LMX1A: variants seen among roughly 807,000 people sequenced by gnomAD.
The protein encoded by LMX1A is LIM homeobox transcription factor 1-alpha.
Under a neutral mutation model 49.1 loss-of-function variants are expected in LMX1A, and 15 were observed. That is an observed-to-expected ratio of 0.31 (90% CI 0.20 to 0.47). The LOEUF (loss-of-function observed/expected upper bound fraction) is 0.47, where lower values mean the gene tolerates loss of function less well. Among genes scored for constraint, LMX1A ranks in the 20% least tolerant of loss-of-function variants. The probability of loss-of-function intolerance (pLI) is 1.00; values close to 1 mark genes in which losing one functional copy is unlikely to be tolerated. For synonymous variants in LMX1A, 167 were observed against 185.7 expected, an observed-to-expected ratio of 0.90 and a Z score of 0.82; for missense variants, 372 against 475.8, an observed-to-expected ratio of 0.78 and a Z score of 2.03.
chr1:165,297,815 G>A (rs1654659141), intron 3 of LMX1A, among the ~76,000 whole-genome samples: 1 of 152,180 alleles, frequency 6.6e-6, no homozygotes, highest in Admixed American at 6.5e-5. Flanking sequence ...GCGTAACTGA[G>A]CCCCATCATC....
chr1:165,305,422 G>A (rs954872532), intron 3 of LMX1A, among the ~76,000 whole-genome samples: 1 of 152,120 alleles, frequency 6.6e-6, no homozygotes, highest in Admixed American at 6.5e-5. Context: ...AAGCGTGAGA[G>A]GGAACAAAGA....
At position 165,313,580 on chromosome 1, in the gene LMX1A, A is replaced by G. The variant is rs117409775; in HGVS notation, c.263+39496T>C. Among the ~76,000 whole-genome samples the G allele has an allele frequency of 6.1e-4, 92 of 152,012 alleles. 1 individual carries two copies. The East Asian group carries it at 0.017, about 29-fold the overall frequency. ...GGCAGGGCTTAAGGAAAGCAACAAA[A>G]AATGGTATGGAATCCCAGGCTGGAA... On this transcript the variant is annotated intron_variant, in intron 3 of 8. Coordinates refer to ENST00000342310, the MANE Select transcript of LMX1A (RefSeq NM_177398.4).
At chr1:165,344,566 G>A (rs1444050347) in intron 3 of LMX1A, among the ~76,000 whole-genome samples, 1 of 152,202 alleles carries the variant, frequency 6.6e-6, no homozygotes, top group Non-Finnish European at 1.5e-5. Context: ...CTGAAATAAA[G>A]GAAGAAATAT....
rs1259412930 is a variant in LMX1A at position 165,249,502 on chromosome 1, C to T, written c.402G>A (p.Glu134=). ...GCAGCTGCCCCTCCTTCAGGACAAA[C>T]TCATCACCCTTCTGAAGCTGTCGCT... is the stretch of plus-strand genomic sequence containing the variant. ...VCERQLQKGD[E]FVLKEGQLLC... Residue 134 remains glutamate (E), a synonymous_variant, in exon 4 of 9, where the codon GAG becomes GAA. Transcript: ENST00000342310. 6 of 1,614,226 alleles carry T rather than the reference C, an allele frequency of 3.7e-6. No homozygotes were observed. The highest frequency in any genetic ancestry group is 5.1e-6 in the Non-Finnish European group (6 of 1,180,044).
intron 3 of LMX1A, among the ~76,000 whole-genome samples, chr1:165,349,556 A>C (rs575713522): frequency 6.6e-6 from 1 of 152,340 alleles, no homozygotes; most frequent in African/African-American, 2.4e-5. Context: ...TAACAATTAT[A>C]GCCTTCAGTT....
At chr1:165,346,894 G>T (rs972657658) in intron 3 of LMX1A, among the ~76,000 whole-genome samples, 3 of 152,086 alleles carry the variant, frequency 2.0e-5, no homozygotes, top group African/African-American at 7.2e-5. Flanking sequence ...TTTCATCTTG[G>T]TTAAAAATAT....
chr1:165,300,737 C>T (rs909065295), intron 3 of LMX1A, among the ~76,000 whole-genome samples: 10 of 152,126 alleles, frequency 6.6e-5, no homozygotes, highest in African/African-American at 1.9e-4. Context: ...AGTGCCAGAG[C>T]GCTCAGTTTT....
chr1:165,208,661 C>A (rs1445364742), intron 6 of LMX1A, among the ~76,000 whole-genome samples: 1 of 150,678 alleles, frequency 6.6e-6, no homozygotes, highest in Non-Finnish European at 1.5e-5. Flanking sequence ...ATTTTTGAGA[C>A]GGAGTCTCGC....
intron 3 of LMX1A, among the ~76,000 whole-genome samples, chr1:165,310,779 G>A (rs2101733487): frequency 6.6e-6 from 1 of 152,354 alleles, no homozygotes; most frequent in Middle Eastern, 3.4e-3. Flanking sequence ...CCACAAGTGA[G>A]GAGAGCTCAA....
At chr1:165,269,103 C>T (rs770617634) in intron 3 of LMX1A, among the ~76,000 whole-genome samples, 1 of 152,190 alleles carries the variant, frequency 6.6e-6, no homozygotes, top group African/African-American at 2.4e-5. Flanking sequence ...CATCACCTCA[C>T]CAAGAACATT....
chr1:165,334,572 C>A (rs1655844238), intron 3 of LMX1A, among the ~76,000 whole-genome samples: 1 of 152,196 alleles, frequency 6.6e-6, no homozygotes, highest in South Asian at 2.1e-4. Flanking sequence ...CTCTCACATA[C>A]CCTGCCACTA....
intron 4 of LMX1A, among the ~76,000 whole-genome samples, chr1:165,230,046 C>T (rs1652184938): frequency 6.6e-6 from 1 of 152,170 alleles, no homozygotes; most frequent in Admixed American, 6.5e-5. Context: ...AAAGGAACTC[C>T]AGAGAGCATT....
Position 165,201,870 on chromosome 1 carries a change from T to G in LMX1A, c.*2010A>C, listed in dbSNP as rs1026305726. On this transcript the variant is annotated 3_prime_UTR_variant, in exon 9 of 9. Transcript: ENST00000342310. ...CCACCCCTGAATAAACAACAGCTCA[T>G]TTGTAAGAGATTTTAATTTCATCTT... is the stretch of plus-strand genomic sequence containing the variant. 1 of 152,228 alleles carries G rather than the reference T, an allele frequency of 6.6e-6. No individual in the cohort carries two copies. The highest frequency in any genetic ancestry group is 2.4e-5 in the African/African-American group (1 of 41,412). 9.4% of individuals were successfully genotyped at this position (152,228 alleles called of 1,614,324 possible).
At chr1:165,235,690 G>T (rs1401138245) in intron 4 of LMX1A, among the ~76,000 whole-genome samples, 1 of 152,120 alleles carries the variant, frequency 6.6e-6, no homozygotes, top group Non-Finnish European at 1.5e-5. Flanking sequence ...CCCGCGCGGG[G>T]CTTTGCTCCG....
At chr1:165,272,910 G>C (rs1312465478) in intron 3 of LMX1A, among the ~76,000 whole-genome samples, 1 of 152,150 alleles carries the variant, frequency 6.6e-6, no homozygotes, top group Non-Finnish European at 1.5e-5. Context: ...AGATCTCCAT[G>C]AACATTCTTC....
chr1:165,206,132 G>A (rs917490692), intron 7 of LMX1A, 98 bp from the exon 8 acceptor site: 1 of 1,185,780 alleles, frequency 8.4e-7, no homozygotes, highest in African/African-American at 1.6e-5. Flanking sequence ...AAAATGGGAT[G>A]AGGTGACATC....
chr1:165,219,922 G>T (rs1029048270), intron 4 of LMX1A, among the ~76,000 whole-genome samples: 4 of 152,186 alleles, frequency 2.6e-5, no homozygotes, highest in African/African-American at 9.7e-5. Context: ...GTTAAGAGAG[G>T]GGACTAGGGA....
chr1:165,203,853 C>T lies in LMX1A; in HGVS notation c.*27G>A, dbSNP rs547865692. The T allele has an allele frequency of 8.7e-6, 14 of 1,609,994 alleles. No individual in the cohort carries two copies. In the Admixed American group the frequency reaches 1.2e-4, roughly 13 times the overall value. On this transcript the variant is annotated 3_prime_UTR_variant, in exon 9 of 9. Coordinates refer to ENST00000342310, the MANE Select transcript of LMX1A (RefSeq NM_177398.4). ...AGAATATGGTTGTTCCATATGGGAG[C>T]CTAGTCACAGAACTCTAGGGGAAGA...
intron 4 of LMX1A, 66 bp from the exon 5 acceptor site, chr1:165,213,879 C>T (rs866499143): frequency 7.1e-7 from 1 of 1,417,486 alleles, no homozygotes. Flanking sequence ...TATGTTATTC[C>T]ATAGCAAGGC....
Sources: gnomAD v4.1 joint callset for allele counts (sites outside exome capture counted in the v4.1 genomes callset) on GRCh38, gnomAD v4.1.1 for gene constraint, MANE v1.5 for transcripts, NCBI Gene and HGNC (gene_info 2026-07-23, HGNC 2026-07-21) for gene names.